The following RUNDC3B variants were observed in gnomAD, a reference collection of about 807,000 sequenced individuals.
RUNDC3B encodes the protein RUN domain containing 3B, also known as RUN domain-containing protein 3B.
Under a neutral mutation model 58.4 loss-of-function variants are expected in RUNDC3B, and 33 were observed. That is an observed-to-expected ratio of 0.56 (90% confidence interval 0.43 to 0.75). The LOEUF (loss-of-function observed/expected upper bound fraction) is 0.75. Among genes scored for constraint, RUNDC3B ranks in the 30% least tolerant of loss-of-function variants. RUNDC3B has a pLI of 0.00. For missense variants in RUNDC3B, 501 were observed against 535.7 expected (o/e 0.94, Z 0.64); for synonymous variants, 193 against 195.2 (o/e 0.99, Z 0.10).
intron 7 of RUNDC3B, among the ~76,000 whole-genome samples, chr7:87,773,314 C>T (rs1834391923): frequency 7.4e-6 from 1 of 134,736 alleles, no homozygotes; most frequent in East Asian, 2.2e-4. Flanking sequence ...CAGAGCGAGA[C>T]TCCGTCTCAA....
Position 87,830,863 on chromosome 7 carries a change from A to G in RUNDC3B, c.*833A>G, listed in dbSNP as rs943803282. The G allele has an allele frequency of 6.6e-6, 1 of 151,694 alleles. No individual in the cohort carries two copies. The highest frequency in any genetic ancestry group is 1.5e-5 in the Non-Finnish European group (1 of 67,830). 9.4% of individuals were successfully genotyped at this position (151,694 alleles called of 1,614,324 possible). A position where few individuals can be genotyped will look rare whatever the true frequency, so the allele number is the denominator to read the frequency against. On this transcript the variant is annotated 3_prime_UTR_variant, in exon 11 of 11. Coordinates refer to ENST00000394654, the MANE Select transcript of RUNDC3B (RefSeq NM_001134405.2). ...CCAGGAAAGAGTTCAAGTTCAGTTA[A>G]GGATTTGAGAGGCTTTTAAACAAGG...
At chr7:87,808,589 A>G (rs921253150) in intron 9 of RUNDC3B, among the ~76,000 whole-genome samples, 4 of 152,120 alleles carry the variant, frequency 2.6e-5, no homozygotes, top group Non-Finnish European at 4.4e-5. Context: ...GTAGGAAAAG[A>G]TGAACACATT....
chr7:87,790,812 A>G (rs1835486401), intron 8 of RUNDC3B, among the ~76,000 whole-genome samples: 1 of 152,096 alleles, frequency 6.6e-6, no homozygotes, highest in Non-Finnish European at 1.5e-5. Flanking sequence ...AAAAAAATAG[A>G]AAAAGAATAA....
chr7:87,679,342 C>G (rs1360273323), intron 2 of RUNDC3B, among the ~76,000 whole-genome samples: 1 of 149,728 alleles, frequency 6.7e-6, no homozygotes, highest in African/African-American at 2.5e-5. Context: ...ATCCACCCAC[C>G]TTGGCCTCCC....
At chr7:87,692,496 G>T (rs1282293812) in intron 2 of RUNDC3B, among the ~76,000 whole-genome samples, 1 of 152,138 alleles carries the variant, frequency 6.6e-6, no homozygotes, top group East Asian at 1.9e-4. Context: ...ATTGAGTTTT[G>T]TGATATTTTC....
At chr7:87,729,238 C>A (rs1831433816) in intron 4 of RUNDC3B, among the ~76,000 whole-genome samples, 2 of 151,852 alleles carry the variant, frequency 1.3e-5, no homozygotes, top group African/African-American at 4.8e-5. Flanking sequence ...GAAGAACTAT[C>A]CGAACAAAAA....
At chr7:87,813,346 G>GT (rs1019773071) in intron 9 of RUNDC3B, among the ~76,000 whole-genome samples, 1 of 152,120 alleles carries the variant, frequency 6.6e-6, no homozygotes, top group Non-Finnish European at 1.5e-5. Context: ...CTTTTACAGA[G>GT]TTTTTTCCCT....
intron 4 of RUNDC3B, among the ~76,000 whole-genome samples, chr7:87,731,519 G>A (rs1308265960): frequency 6.6e-6 from 1 of 151,974 alleles, no homozygotes; most frequent in Non-Finnish European, 1.5e-5. Context: ...TTGCCTACAA[G>A]AAACATATTT....
chr7:87,733,974 A>T (rs1246985251), intron 4 of RUNDC3B, among the ~76,000 whole-genome samples: 3 of 152,224 alleles, frequency 2.0e-5, no homozygotes, highest in Non-Finnish European at 4.4e-5. Context: ...ACTCATTTAA[A>T]AATGGGCAAT....
chr7:87,647,491 A>C (rs913396429), intron 1 of RUNDC3B, among the ~76,000 whole-genome samples: 7 of 152,120 alleles, frequency 4.6e-5, no homozygotes, highest in African/African-American at 1.7e-4. Context: ...ACATTGCTAC[A>C]TTTTTCTTTT....
chr7:87,790,231 T>A (rs1835450701), intron 8 of RUNDC3B, among the ~76,000 whole-genome samples: 3 of 152,178 alleles, frequency 2.0e-5, no homozygotes, highest in African/African-American at 7.2e-5. Flanking sequence ...ACAATAGTCT[T>A]TTCCTGGTAA....
chr7:87,807,257 C>A, intron 8 of RUNDC3B, 116 bp from the exon 9 acceptor site: 1 of 869,584 alleles, frequency 1.1e-6, no homozygotes, highest in Non-Finnish European at 1.8e-6. Context: ...TGTTCACAAT[C>A]TATTAACAAA....
intron 2 of RUNDC3B, among the ~76,000 whole-genome samples, chr7:87,673,896 C>A (rs1053926393): frequency 1.3e-5 from 2 of 152,072 alleles, no homozygotes; most frequent in African/African-American, 2.4e-5. Flanking sequence ...CTTTTATATT[C>A]TTTGATGCCC....
intron 4 of RUNDC3B, among the ~76,000 whole-genome samples, chr7:87,717,244 A>G (rs1410642426): frequency 3.9e-5 from 6 of 152,192 alleles, no homozygotes; most frequent in Non-Finnish European, 8.8e-5. Flanking sequence ...TGTAGCCAGA[A>G]AAAGTTTTAT....
At chr7:87,674,299 G>T (rs922043336) in intron 2 of RUNDC3B, among the ~76,000 whole-genome samples, 5 of 152,166 alleles carry the variant, frequency 3.3e-5, no homozygotes, top group South Asian at 2.1e-4. Flanking sequence ...GTTGTGGCAG[G>T]GGTGGGGGTA....
chr7:87,784,680 T>A (rs1835108364), intron 8 of RUNDC3B, among the ~76,000 whole-genome samples: 1 of 146,656 alleles, frequency 6.8e-6, no homozygotes, highest in South Asian at 2.2e-4. Context: ...TTCATAGTGC[T>A]TTGGGGGAGG....
intron 2 of RUNDC3B, among the ~76,000 whole-genome samples, chr7:87,695,680 G>A (rs1173224146): frequency 6.6e-6 from 1 of 151,902 alleles, no homozygotes; most frequent in African/African-American, 2.4e-5. Flanking sequence ...CTAAAGATGG[G>A]GAATTAAGTC....
intron 2 of RUNDC3B, among the ~76,000 whole-genome samples, chr7:87,665,399 A>T (rs1825123797): frequency 6.6e-6 from 1 of 152,176 alleles, no homozygotes; most frequent in Non-Finnish European, 1.5e-5. Context: ...ACCTCTGTAC[A>T]CTGAAAGTTA....
At chr7:87,630,926 G>A (rs28381767) in intron 1 of RUNDC3B, among the ~76,000 whole-genome samples, 4,755 of 152,062 alleles carry the variant, frequency 0.031, 73 homozygotes, top group Middle Eastern at 0.048. Flanking sequence ...TTTTAGGAAC[G>A]TCACACTGAT....
Sources: gnomAD v4.1 joint callset for allele counts (sites outside exome capture counted in the v4.1 genomes callset) on GRCh38, gnomAD v4.1.1 for gene constraint, MANE v1.5 for transcripts, NCBI Gene and HGNC (gene_info 2026-07-23, HGNC 2026-07-21) for gene names.